Variants in ADCY10 observed in about 807,000 individuals in gnomAD.
ADCY10 encodes the protein adenylate cyclase type 10.
A neutral mutation model predicts 183.3 loss-of-function variants in ADCY10; 156 were observed. The ratio of observed to expected loss-of-function variants is 0.85; its 90% confidence interval spans 0.75 to 0.97. The LOEUF (loss-of-function observed/expected upper bound fraction) is 0.97, where lower values mean the gene tolerates loss of function less well. ADCY10 is among the 50% of genes least tolerant of loss of function. The pLI is 0.00. For missense variants in ADCY10, 1,745 were observed against 1,934.3 expected, an observed-to-expected ratio of 0.90 and a Z score of 1.84; for synonymous variants, 645 against 670.0, an observed-to-expected ratio of 0.96 and a Z score of 0.58.
In ADCY10 at chr1:167,837,056, T is replaced by C. The variant is rs2032579; in HGVS notation, c.3077+193A>G. 36,883 of 642,508 alleles carry C rather than the reference T, an allele frequency of 0.057. 1,394 individuals carry two copies. Among genetic ancestry groups the C allele is most frequent in the African/African-American group, 0.13 (6,845 of 54,650 alleles). The allele number at this position is 642,508 out of a possible 1,614,324, so 39.8% of individuals were successfully genotyped here. ...ATAAATAAATAAAATAAAATATCTT[T>C]AAAAACAAAAGAGCAGGATAATAAA... On this transcript the variant is annotated intron_variant, in intron 22 of 32. Coordinates refer to ENST00000367851, the MANE Select transcript of ADCY10 (RefSeq NM_018417.6).
At position 167,883,558 on chromosome 1, in the gene ADCY10, A is replaced by G. The variant is rs1300003113; in HGVS notation, c.899T>C (p.Met300Thr). 1.2e-6 allele frequency: 2 copies of G among 1,614,250 alleles called. No homozygotes were observed. Among genetic ancestry groups the G allele is most frequent in the East Asian group, 2.2e-5 (1 of 44,882 alleles). ...RPVTIVFVNL[M>T]FEDQDKAEEI... ...TTCTGCTTTGTCTTGGTCTTCAAAC[A>G]TCAGGTTCACAAACACAATCGTCAC... is the stretch of plus-strand genomic sequence containing the variant. The change falls in exon 9 of 33, where the codon ATG becomes ACG. Residue 300 changes from methionine (M) to threonine (T), a missense_variant. Met to Thr is a moderately conservative substitution (Grantham distance 81). Coordinates refer to ENST00000367851, the MANE Select transcript of ADCY10 (RefSeq NM_018417.6).
intron 14 of ADCY10, among the ~76,000 whole-genome samples, chr1:167,865,486 T>C (rs1163387992): frequency 6.6e-6 from 1 of 152,180 alleles, no homozygotes; most frequent in African/African-American, 2.4e-5. Flanking sequence ...ATTGGATAAA[T>C]ATGTCTATGA....
intron 8 of ADCY10, 107 bp downstream of exon 8, chr1:167,893,746 T>C (rs1668760888): frequency 1.5e-6 from 1 of 662,702 alleles, no homozygotes; most frequent in Non-Finnish European, 2.6e-6. Context: ...TAATGGAACA[T>C]TTTACTATTT....
intron 14 of ADCY10, among the ~76,000 whole-genome samples, chr1:167,861,688 C>G (rs1473825932): frequency 6.6e-6 from 1 of 152,222 alleles, no homozygotes; most frequent in Non-Finnish European, 1.5e-5. Context: ...CCACAATTCT[C>G]TATTGCATGA....
At chr1:167,907,132 C>G (rs1669873148) in intron 1 of ADCY10, among the ~76,000 whole-genome samples, 3 of 152,172 alleles carry the variant, frequency 2.0e-5, no homozygotes, top group Admixed American at 2.0e-4. Flanking sequence ...ACTGAAAGAA[C>G]TGACAGGTGT....
intron 30 of ADCY10, chr1:167,818,560 G>A (rs1019921594): frequency 5.3e-5 from 24 of 455,070 alleles, no homozygotes; most frequent in African/African-American, 4.2e-4. Flanking sequence ...TTTTTGAGAC[G>A]AAGTCTTGCT....
At chr1:167,868,471 T>C (rs1666856399) in intron 14 of ADCY10, among the ~76,000 whole-genome samples, 2 of 152,150 alleles carry the variant, frequency 1.3e-5, no homozygotes, top group African/African-American at 4.8e-5. Flanking sequence ...AGTTACATGG[T>C]GGAGTTCAAA....
chr1:167,836,724 T>A lies in ADCY10; in HGVS notation c.3078-184A>T, dbSNP rs570443151. 6.6e-5 allele frequency among the ~76,000 whole-genome samples: 10 copies of A among 152,238 alleles called. No homozygotes were observed. In the South Asian group the frequency reaches 2.1e-3, roughly 32 times the overall value. On this transcript the variant is annotated intron_variant, in intron 22 of 32. Transcript: ENST00000367851. ...GGCCAACCTGGTGAAACCCCATCTC[T>A]ACTAAAAATATAAAAATTAGGCCGG...
chr1:167,853,986 C>T (rs1665695291), intron 18 of ADCY10, among the ~76,000 whole-genome samples: 1 of 151,672 alleles, frequency 6.6e-6, no homozygotes, highest in African/African-American at 2.4e-5. Context: ...TTACAAGCAC[C>T]CACCACCACA....
At chr1:167,812,823 T>A (rs1662304030) in intron 31 of ADCY10, among the ~76,000 whole-genome samples, 1 of 151,878 alleles carries the variant, frequency 6.6e-6, no homozygotes, top group African/African-American at 2.4e-5. Flanking sequence ...AACCTAAAAA[T>A]ATACCAAAAA....
rs776011877 is a variant in ADCY10, at chr1:167,880,575, C to T, written c.1055G>A (p.Gly352Glu). ...CSFLCVFGFP[G>E]EKVPDELTHA... The stretch of plus-strand genomic sequence containing the variant: ...AGTGAGCTCGTCAGGTACCTTTTCC[C>T]CAGGGAAGCCAAAGACACAGAGGAA... Residue 352 changes from glycine to glutamate, a missense_variant, in exon 10 of 33, where the codon GGG (glycine) becomes GAG (glutamate). Transcript: ENST00000367851. The T allele has an allele frequency of 8.1e-6, 13 of 1,613,904 alleles. No individual in the cohort carries two copies. The highest frequency in any genetic ancestry group is 6.7e-5 in the Admixed American group (4 of 59,976).
chr1:167,848,454 C>A lies in ADCY10; in HGVS notation c.2344G>T (p.Val782Phe). The A allele has an allele frequency of 1.2e-6, 2 of 1,612,920 alleles. No individual in the cohort carries two copies. Among genetic ancestry groups the A allele is most frequent in the Non-Finnish European group, 1.7e-6 (2 of 1,179,042 alleles). ...SIKLTEKLNM[V>F]TLHSDKESEE... ...CTTTCCTTATCACTATGGAGAGTAA[C>A]CATGTTTAACTTCTCTGTTAGCTTA... The change falls in exon 19 of 33, where the codon GTT becomes TTT. Residue 782 changes from valine (V) to phenylalanine (F), a missense_variant. Transcript: ENST00000367851.
chr1:167,855,876 C>T (rs1325957571), intron 17 of ADCY10, among the ~76,000 whole-genome samples: 1 of 152,014 alleles, frequency 6.6e-6, no homozygotes, highest in Non-Finnish European at 1.5e-5. Flanking sequence ...CGGAGGTGCA[C>T]ACCTGTAGTT....
At position 167,833,063 on chromosome 1, in the gene ADCY10, A is replaced by G. The variant is rs778700346; in HGVS notation, c.3517T>C (p.Phe1173Leu). The G allele has an allele frequency of 3.1e-6, 5 of 1,614,064 alleles. No individual in the cohort carries two copies. The change falls in exon 25 of 33, where the codon TTT becomes CTT. Residue 1173 changes from phenylalanine to leucine, a missense_variant. Coordinates refer to ENST00000367851, the MANE Select transcript of ADCY10 (RefSeq NM_018417.6). Reference sequence around the variant, plus strand: ...TTTTTCTCGACATGGATATGGAGAAACAAGGAGATTAAGTTGTAAGGAAAG... The same window carrying G: ...TTTTTCTCGACATGGATATGGAGAAGCAAGGAGATTAAGTTGTAAGGAAAG... ...RIFPYNLISL[F>L]LHIHVEKNRH...
chr1:167,829,259 T>A lies in ADCY10; in HGVS notation c.3750+8A>T, dbSNP rs188567784. Reference sequence around the variant, plus strand: ...AAACTTAAAGGAGCAGCTACAAAAATCCCCTACCTGGAAACAATTTTGAGT... The same window carrying A: ...AAACTTAAAGGAGCAGCTACAAAAAACCCCTACCTGGAAACAATTTTGAGT... On this transcript the variant is annotated splice_region_variant and intron_variant, in intron 26 of 32. Coordinates refer to ENST00000367851, the MANE Select transcript of ADCY10 (RefSeq NM_018417.6). 11,962 of 1,613,866 alleles carry A rather than the reference T, an allele frequency of 7.4e-3. 64 individuals are homozygous for A. The highest frequency in any genetic ancestry group is 8.9e-3 in the Non-Finnish European group (10,455 of 1,179,844).
chr1:167,824,313 ACT>A (rs1558150122), intron 28 of ADCY10, among the ~76,000 whole-genome samples, 161 bp downstream of exon 28: 3 of 152,054 alleles, frequency 2.0e-5, no homozygotes, highest in Admixed American at 6.6e-5. Context: ...ACAGAGCAAG[ACT>A]CTGTCTGAAA....
chr1:167,899,231 C>T (rs1669219689), intron 6 of ADCY10, among the ~76,000 whole-genome samples, 192 bp downstream of exon 6: 1 of 152,206 alleles, frequency 6.6e-6, no homozygotes, highest in African/African-American at 2.4e-5. Flanking sequence ...ATTTCCTCCT[C>T]AAGCTCACCA....
At chr1:167,835,245 G>A (rs1664109546) in intron 23 of ADCY10, among the ~76,000 whole-genome samples, 5 of 152,278 alleles carry the variant, frequency 3.3e-5, no homozygotes, top group Middle Eastern at 3.4e-3. Flanking sequence ...GGGCAAATAA[G>A]TTTGAGAAAC....
intron 1 of ADCY10, among the ~76,000 whole-genome samples, chr1:167,912,451 G>A (rs1670213445): frequency 6.6e-6 from 1 of 152,124 alleles, no homozygotes; most frequent in African/African-American, 2.4e-5. Context: ...ATGGCACCCT[G>A]CATTTGCATA....
Sources: gnomAD v4.1 joint callset for allele counts (sites outside exome capture counted in the v4.1 genomes callset) on GRCh38, gnomAD v4.1.1 for gene constraint, MANE v1.5 for transcripts, NCBI Gene and HGNC (gene_info 2026-07-23, HGNC 2026-07-21) for gene names.